The following EXOC6B variants were observed in gnomAD, a reference collection of about 807,000 sequenced individuals.
The protein encoded by EXOC6B is SEC15 homolog B.
A neutral mutation model predicts 113.5 loss-of-function variants in EXOC6B; 54 were observed. The observed-to-expected ratio is 0.48, with a 90% confidence interval of 0.38 to 0.60. EXOC6B has a LOEUF of 0.60. EXOC6B is among the 20% of genes least tolerant of loss of function. EXOC6B has a pLI of 0.00. For missense variants in EXOC6B, 797 were observed against 977.5 expected (o/e 0.82, Z 2.46); for synonymous variants, 357 against 339.0 (o/e 1.05, Z -0.58).
At chr2:72,668,559 A>G (rs566268273) in intron 6 of EXOC6B, among the ~76,000 whole-genome samples, 3 of 152,348 alleles carry the variant, frequency 2.0e-5, no homozygotes, top group African/African-American at 7.2e-5. Flanking sequence ...AATATGGTAC[A>G]TATACACCGT....
intron 20 of EXOC6B, among the ~76,000 whole-genome samples, chr2:72,251,021 T>A (rs1274691536): frequency 7.2e-6 from 1 of 139,682 alleles, no homozygotes; most frequent in Admixed American, 7.4e-5. Context: ...GGAGACGGGG[T>A]CTCACTATGT....
intron 6 of EXOC6B, among the ~76,000 whole-genome samples, chr2:72,663,358 G>T (rs1475528499): frequency 6.6e-6 from 1 of 152,166 alleles, no homozygotes; most frequent in African/African-American, 2.4e-5. Flanking sequence ...TTATTTTCAG[G>T]ATGTAGTGAA....
chr2:72,725,634 T>C (rs1470895869), intron 5 of EXOC6B, among the ~76,000 whole-genome samples: 4 of 152,108 alleles, frequency 2.6e-5, no homozygotes, highest in Admixed American at 1.3e-4. Flanking sequence ...TCAAGCAATC[T>C]GCCCACCTCG....
chr2:72,750,131 C>A (rs1269169143), intron 1 of EXOC6B, among the ~76,000 whole-genome samples: 1 of 151,768 alleles, frequency 6.6e-6, no homozygotes, highest in Admixed American at 6.6e-5. Flanking sequence ...AACAACACCA[C>A]ATTCAACTCC....
chr2:72,687,787 A>T (rs1677193525), intron 6 of EXOC6B, among the ~76,000 whole-genome samples: 1 of 152,198 alleles, frequency 6.6e-6, no homozygotes, highest in Non-Finnish European at 1.5e-5. Context: ...TTTATTCTTT[A>T]TATACTATGT....
At position 72,761,038 on chromosome 2, in the gene EXOC6B, G is replaced by A. The variant is rs373453554; in HGVS notation, c.114-19569C>T. Among the ~76,000 whole-genome samples, 21 of 152,188 alleles carry A rather than the reference G, an allele frequency of 1.4e-4. No individual in the cohort carries two copies. The East Asian group carries it at 3.7e-3, about 27-fold the overall frequency. On this transcript the variant is annotated intron_variant, in intron 1 of 21. Transcript: ENST00000272427. ...CTACTAAAAATACAAAAATTAGCTG[G>A]GTGTGGTGGTGTGCACCTATTATCC...
chr2:72,434,681 G>C (rs545458401), intron 18 of EXOC6B, among the ~76,000 whole-genome samples: 1 of 152,308 alleles, frequency 6.6e-6, no homozygotes, highest in East Asian at 1.9e-4. Context: ...AGATTTTCTA[G>C]TTTATTTGCG....
At chr2:72,540,172 A>C (rs1039802864) in intron 8 of EXOC6B, among the ~76,000 whole-genome samples, 2 of 152,016 alleles carry the variant, frequency 1.3e-5, no homozygotes, top group East Asian at 1.9e-4. Context: ...ATATGTGCCA[A>C]CTTTTCTTAA....
intron 18 of EXOC6B, among the ~76,000 whole-genome samples, chr2:72,415,785 A>G (rs1375877401): frequency 3.3e-5 from 5 of 152,188 alleles, no homozygotes; most frequent in African/African-American, 1.2e-4. Context: ...TATATATAGT[A>G]TATATGGAAT....
chr2:72,526,044 C>A lies in EXOC6B; in HGVS notation c.916-10918G>T, dbSNP rs138217364. On this transcript the variant is annotated intron_variant, in intron 8 of 21. Coordinates refer to ENST00000272427, the MANE Select transcript of EXOC6B (RefSeq NM_015189.3). Reference sequence around the variant, plus strand: ...ATTTCACACTTGCCAATTTTTAAGTCTTTTCTGACCTAACTTACACTTGTC... The same window carrying A: ...ATTTCACACTTGCCAATTTTTAAGTATTTTCTGACCTAACTTACACTTGTC... Among the ~76,000 whole-genome samples the A allele has an allele frequency of 4.8e-4, 73 of 152,194 alleles. 2 individuals are homozygous for A. Among genetic ancestry groups the A allele is most frequent in the Middle Eastern group, 3.4e-3 (1 of 294 alleles).
chr2:72,437,233 G>T (rs1695935472), intron 18 of EXOC6B, among the ~76,000 whole-genome samples: 1 of 152,234 alleles, frequency 6.6e-6, no homozygotes, highest in Admixed American at 6.5e-5. Flanking sequence ...AGAGGCTGCA[G>T]AACAGCAAAG....
intron 18 of EXOC6B, among the ~76,000 whole-genome samples, chr2:72,452,084 C>T (rs897144324): frequency 3.3e-5 from 5 of 152,050 alleles, no homozygotes; most frequent in African/African-American, 4.8e-5. Flanking sequence ...GACCTCATCG[C>T]GATATTCCAA....
At chr2:72,511,950 T>G (rs528836525) in intron 11 of EXOC6B, among the ~76,000 whole-genome samples, 1 of 152,104 alleles carries the variant, frequency 6.6e-6, no homozygotes, top group East Asian at 1.9e-4. Context: ...TTAAAGAAAT[T>G]GTTTTAATGC....
At chr2:72,308,129 A>T (rs1487198020) in intron 20 of EXOC6B, among the ~76,000 whole-genome samples, 3 of 152,210 alleles carry the variant, frequency 2.0e-5, no homozygotes, top group Non-Finnish European at 4.4e-5. Flanking sequence ...AGGAATACTC[A>T]GCAAAGACCA....
chr2:72,262,552 T>G (rs1430275185), intron 20 of EXOC6B, among the ~76,000 whole-genome samples: 3 of 152,122 alleles, frequency 2.0e-5, no homozygotes, highest in Non-Finnish European at 4.4e-5. Flanking sequence ...TGAGTTGTGG[T>G]GGGGTGGGGA....
chr2:72,597,303 G>T (rs1463135563), intron 6 of EXOC6B, among the ~76,000 whole-genome samples: 1 of 151,672 alleles, frequency 6.6e-6, no homozygotes, highest in African/African-American at 2.4e-5. Flanking sequence ...AGGAACTAGA[G>T]GGAGGAACTG....
rs192607013 is a variant in EXOC6B at position 72,344,602 on chromosome 2, C to T, written c.2123-9582G>A. On this transcript the variant is annotated intron_variant, in intron 19 of 21. Transcript: ENST00000272427. ...TCTAGGACTTGCTGTTTTTTGTTAC[C>T]GTTTTTGTTGATTGTTTTGTTGATT... Among the ~76,000 whole-genome samples, 21 of 152,090 alleles carry T rather than the reference C, an allele frequency of 1.4e-4. 1 individual carries two copies. Among genetic ancestry groups the T allele is most frequent in the South Asian group, 2.1e-4 (1 of 4,816 alleles).
intron 18 of EXOC6B, among the ~76,000 whole-genome samples, chr2:72,452,994 C>T (rs563720222): frequency 3.9e-5 from 6 of 152,240 alleles, no homozygotes; most frequent in African/African-American, 1.4e-4. Context: ...TGCTTGGAAA[C>T]CTCAATTCAA....
At chr2:72,698,940 T>G (rs914079348) in intron 6 of EXOC6B, among the ~76,000 whole-genome samples, 1 of 152,346 alleles carries the variant, frequency 6.6e-6, no homozygotes, top group Non-Finnish European at 1.5e-5. Context: ...AATATACTAC[T>G]GATTCTGACA....
Sources: allele counts gnomAD v4.1 joint callset (sites outside exome capture counted in the v4.1 genomes callset), GRCh38; gene constraint gnomAD v4.1.1; transcripts MANE v1.5; gene names NCBI Gene and HGNC (gene_info 2026-07-23, HGNC 2026-07-21).